The following DPH6 variants were observed in gnomAD, a reference collection of about 807,000 sequenced individuals.
DPH6 encodes the protein diphthamine biosynthesis 6, also known as diphthine--ammonia ligase.
Under a neutral mutation model 38.2 loss-of-function variants are expected in DPH6, and 33 were observed. The ratio of observed to expected loss-of-function variants is 0.86; its 90% CI spans 0.65 to 1.15. The LOEUF (loss-of-function observed/expected upper bound fraction) is 1.15. Among genes scored for constraint, DPH6 ranks in the 50% most tolerant of loss-of-function variants. DPH6 has a pLI of 0.00. For missense variants in DPH6, 325 were observed against 320.0 expected (o/e 1.02, Z -0.12); for synonymous variants, 108 against 103.0 (o/e 1.05, Z -0.30).
chr15:35,390,136 A>C (rs1425841928), intron 6 of DPH6, among the ~76,000 whole-genome samples: 1 of 152,144 alleles, frequency 6.6e-6, no homozygotes, highest in African/African-American at 2.4e-5. Flanking sequence ...TTCTGGGTTG[A>C]AAATTCTTTT....
chr15:35,245,134 A>G (rs148764668), intron 3 of DPH6, among the ~76,000 whole-genome samples: 63 of 152,162 alleles, frequency 4.1e-4, no homozygotes, highest in African/African-American at 1.3e-3. Flanking sequence ...ACAAGAATCT[A>G]TCAATCATTC....
chr15:35,472,217 G>T (rs1468005559), intron 3 of DPH6, among the ~76,000 whole-genome samples: 2 of 152,178 alleles, frequency 1.3e-5, no homozygotes, highest in Non-Finnish European at 2.9e-5. Flanking sequence ...ACAGGGAATT[G>T]ATTACACAGG....
At chr15:35,250,618 T>C (rs1426753887) in intron 3 of DPH6, among the ~76,000 whole-genome samples, 1 of 152,182 alleles carries the variant, frequency 6.6e-6, no homozygotes, top group Non-Finnish European at 1.5e-5. Context: ...AAATGTTTTT[T>C]TCAAGTATTA....
At chr15:35,528,138 A>C (rs796962029) in intron 3 of DPH6, among the ~76,000 whole-genome samples, 89 of 152,312 alleles carry the variant, frequency 5.8e-4, no homozygotes, top group African/African-American at 2.1e-3. Flanking sequence ...ATTTGAAAAG[A>C]TACTAATATC....
intron 5 of DPH6, among the ~76,000 whole-genome samples, chr15:35,433,112 A>G (rs182143408): frequency 1.1e-4 from 16 of 152,362 alleles, no homozygotes; most frequent in African/African-American, 2.9e-4. Flanking sequence ...AAGTTTTGCA[A>G]ATCAAAGTAT....
intron 3 of DPH6, among the ~76,000 whole-genome samples, chr15:35,337,635 C>T (rs1326380792): frequency 6.6e-6 from 1 of 152,074 alleles, no homozygotes. Context: ...CAATGCCATC[C>T]CCATCAAGCT....
intron 7 of DPH6, among the ~76,000 whole-genome samples, chr15:35,374,220 C>A (rs2052750908): frequency 6.6e-6 from 1 of 152,016 alleles, no homozygotes. Flanking sequence ...CTGTAAAGCA[C>A]ATTTGAATAA....
At chr15:35,380,879 G>A (rs1191802762) in intron 7 of DPH6, among the ~76,000 whole-genome samples, 2 of 152,124 alleles carry the variant, frequency 1.3e-5, no homozygotes, top group African/African-American at 4.8e-5. Flanking sequence ...ATAGGTACTT[G>A]ATGAGTATTT....
intron 6 of DPH6, among the ~76,000 whole-genome samples, chr15:35,402,273 C>CTGA (rs1352819245): frequency 6.6e-6 from 1 of 152,102 alleles, no homozygotes; most frequent in East Asian, 1.9e-4. Flanking sequence ...TGCAGTTCAA[C>CTGA]TGATAGTTAC....
intron 3 of DPH6, among the ~76,000 whole-genome samples, chr15:35,260,105 CTTTTA>C (rs1031193006): frequency 2.0e-5 from 3 of 151,898 alleles, no homozygotes; most frequent in Non-Finnish European, 4.4e-5. Flanking sequence ...TCAGGAGATT[CTTTTA>C]TTTTATTTTA....
the DPH6 span, among the ~76,000 whole-genome samples, chr15:35,176,672 T>C: frequency 3.3e-5 from 5 of 152,186 alleles, no homozygotes; most frequent in South Asian, 6.2e-4. Context: ...GGTTTCTCCA[T>C]GTTGGTCAGG....
At chr15:35,163,720 T>G in the DPH6 span, among the ~76,000 whole-genome samples, 1 of 151,860 alleles carries the variant, frequency 6.6e-6, no homozygotes, top group African/African-American at 2.4e-5. Context: ...ACTGCACTGG[T>G]CATGAGATTG....
At chr15:35,369,525 C>A (rs776926142), downstream of DPH6, among the ~76,000 whole-genome samples, 1 of 150,534 alleles carries the variant, frequency 6.6e-6, no homozygotes, top group African/African-American at 2.4e-5. Flanking sequence ...GTAAAGCTGG[C>A]AACATGTGAA....
At chr15:35,281,097 C>CT (rs2051896217) in intron 3 of DPH6, among the ~76,000 whole-genome samples, 1 of 152,024 alleles carries the variant, frequency 6.6e-6, no homozygotes, top group Non-Finnish European at 1.5e-5. Flanking sequence ...AATGCTATCT[C>CT]TCCCCCCTCC....
Position 35,371,611 on chromosome 15 carries a change from T to A in DPH6, c.*539A>T. On this transcript the variant is annotated 3_prime_UTR_variant, in exon 9 of 9. Coordinates refer to ENST00000256538, the MANE Select transcript of DPH6 (RefSeq NM_080650.4). The stretch of plus-strand genomic sequence containing the variant: ...TTTTAAAAATCAGTTATAAAATAAC[T>A]TGTAAGAGTTAAGGACATTCTTCCT... The A allele has an allele frequency of 5.1e-6, 5 of 983,620 alleles. No individual in the cohort carries two copies. Among genetic ancestry groups the A allele is most frequent in the Non-Finnish European group, 6.0e-6 (5 of 828,352 alleles). The allele number at this position is 983,620 out of a possible 1,614,324, so 60.9% of individuals were successfully genotyped here.
At chr15:35,283,050 T>G (rs1048345896) in intron 3 of DPH6, 2 of 170,054 alleles carry the variant, frequency 1.2e-5, no homozygotes, top group African/African-American at 3.0e-5. Context: ...TCTTCTTCCT[T>G]CTTCTTCCTT....
intron 3 of DPH6, among the ~76,000 whole-genome samples, chr15:35,486,363 GTGATTTATGAAGAAAAAAGGTTTAAC>G (rs1188565337): frequency 6.6e-6 from 1 of 151,928 alleles, no homozygotes; most frequent in Non-Finnish European, 1.5e-5. Flanking sequence ...ATATCACTGG[GTGATTTATGAAGAAAAAAGGTTTAAC>G]TGATTCACAG....
chr15:35,340,470 T>C (rs2052412421), intron 3 of DPH6, among the ~76,000 whole-genome samples: 1 of 152,194 alleles, frequency 6.6e-6, no homozygotes, highest in South Asian at 2.1e-4. Flanking sequence ...TGCTTCATAG[T>C]GTCACTAGTC....
intron 3 of DPH6, among the ~76,000 whole-genome samples, chr15:35,462,633 T>C (rs1407084427): frequency 1.3e-5 from 2 of 152,234 alleles, no homozygotes; most frequent in Non-Finnish European, 2.9e-5. Flanking sequence ...AGAGGACTTC[T>C]CTTTCTAAAA....
Sources: allele counts gnomAD v4.1 joint callset (sites outside exome capture counted in the v4.1 genomes callset), GRCh38; gene constraint gnomAD v4.1.1; transcripts MANE v1.5; gene names NCBI Gene and HGNC (gene_info 2026-07-23, HGNC 2026-07-21).